Variants in NBEA observed in about 807,000 individuals in gnomAD.
The protein encoded by NBEA is lysosomal-trafficking regulator 2.
Under a neutral mutation model 343.4 loss-of-function variants are expected in NBEA, and 44 were observed. The ratio of observed to expected loss-of-function variants is 0.13; its 90% CI spans 0.10 to 0.16. The LOEUF (loss-of-function observed/expected upper bound fraction) is 0.16, where lower values mean the gene tolerates loss of function less well. Ranked by LOEUF, NBEA falls within the 10% of genes least tolerant of loss-of-function variation. The pLI, the probability that NBEA is intolerant of heterozygous loss-of-function variation, is 1.00. For missense variants in NBEA, 2,555 were observed against 3,631.3 expected (o/e 0.70, Z 7.62); for synonymous variants, 1,175 against 1,238.7 (o/e 0.95, Z 1.08).
chr13:35,248,345 A>G (rs1290606862), intron 34 of NBEA, among the ~76,000 whole-genome samples: 2 of 152,226 alleles, frequency 1.3e-5, no homozygotes, highest in African/African-American at 4.8e-5. Flanking sequence ...GAATGAAGAA[A>G]AGAATTACAT....
chr13:35,472,635 C>T (rs1045052063), intron 41 of NBEA, 99 bp downstream of exon 41: 1 of 1,167,076 alleles, frequency 8.6e-7, no homozygotes, highest in Admixed American at 1.9e-5. Flanking sequence ...GAGGGGAGCA[C>T]ATTCTCCTCT....
intron 38 of NBEA, among the ~76,000 whole-genome samples, chr13:35,364,146 G>A (rs2040970823): frequency 6.6e-6 from 1 of 151,824 alleles, no homozygotes; most frequent in Non-Finnish European, 1.5e-5. Flanking sequence ...TTTCTCTTAT[G>A]GCCAACAAAT....
In NBEA at chr13:35,383,735, G is replaced by A. The variant is rs189681154; in HGVS notation, c.6179+31412G>A. 2.6e-5 allele frequency among the ~76,000 whole-genome samples: 4 copies of A among 152,062 alleles called. No individual in the cohort carries two copies. The East Asian group carries it at 7.7e-4, about 29-fold the overall frequency. ...GAAGGATATAGTATATAATACAGAA[G>A]TTAGGAAAATGAACAATAACTAAAA... On this transcript the variant is annotated intron_variant, in intron 38 of 58. Coordinates refer to ENST00000379939, the MANE Select transcript of NBEA (RefSeq NM_001385012.1).
At chr13:35,379,993 A>G (rs1004443205) in intron 38 of NBEA, among the ~76,000 whole-genome samples, 4 of 152,288 alleles carry the variant, frequency 2.6e-5, no homozygotes, top group African/African-American at 9.6e-5. Context: ...CAGCATGCCA[A>G]TTTCTGCAAA....
rs1246798970 is a variant in NBEA, at chr13:35,159,150, A to G, written c.2979A>G (p.Gly993=). Residue 993 remains glycine (G), a synonymous_variant, in exon 22 of 59, where the codon GGA becomes GGG. Coordinates refer to ENST00000379939, the MANE Select transcript of NBEA (RefSeq NM_001385012.1). ...CTGGTCTTTCATCACAGACAACAGG[A>G]GCAAAAGGTGGAATGGAAATTCGAG... ...TISGLSSQTT[G]AKGGMEIREI... 5.0e-6 allele frequency: 8 copies of G among 1,613,584 alleles called. No homozygotes were observed. The highest frequency in any genetic ancestry group is 6.8e-6 in the Non-Finnish European group (8 of 1,179,614).
At chr13:35,110,332 C>T (rs879515222) in intron 12 of NBEA, among the ~76,000 whole-genome samples, 2 of 151,606 alleles carry the variant, frequency 1.3e-5, no homozygotes, top group African/African-American at 2.4e-5. Context: ...ATTGTGAAAG[C>T]GAACTATATG....
chr13:35,311,317 A>AT (rs1372548838), intron 36 of NBEA, among the ~76,000 whole-genome samples: 35 of 146,100 alleles, frequency 2.4e-4, no homozygotes, highest in South Asian at 1.0e-3. Context: ...TGCGAAGTAA[A>AT]AATATATATA....
At chr13:35,318,332 G>C (rs1234226017) in intron 36 of NBEA, among the ~76,000 whole-genome samples, 1 of 152,084 alleles carries the variant, frequency 6.6e-6, no homozygotes, top group Non-Finnish European at 1.5e-5. Context: ...TTTTATCAAA[G>C]GTCTTTTTGA....
chr13:35,125,056 C>T (rs1278516186), intron 17 of NBEA, among the ~76,000 whole-genome samples: 1 of 152,030 alleles, frequency 6.6e-6, no homozygotes, highest in Non-Finnish European at 1.5e-5. Flanking sequence ...TCAGTTAATA[C>T]AAAATTAAAA....
chr13:35,205,919 A>C (rs536185612), intron 31 of NBEA, among the ~76,000 whole-genome samples: 1 of 152,080 alleles, frequency 6.6e-6, no homozygotes, highest in Non-Finnish European at 1.5e-5. Flanking sequence ...TGGGGAGGAG[A>C]ATGAAGCTTA....
intron 49 of NBEA, among the ~76,000 whole-genome samples, chr13:35,640,127 T>G (rs1481771185): frequency 6.6e-6 from 1 of 152,226 alleles, no homozygotes; most frequent in Non-Finnish European, 1.5e-5. Context: ...CATTTAATTT[T>G]ACCTTAGTAG....
chr13:35,242,825 A>G (rs1441261391), intron 34 of NBEA, among the ~76,000 whole-genome samples: 1 of 151,874 alleles, frequency 6.6e-6, no homozygotes, highest in Non-Finnish European at 1.5e-5. Context: ...TTAAAAATGG[A>G]GGAGAAATTA....
At chr13:35,601,761 C>CAAAA (rs869213180) in intron 47 of NBEA, among the ~76,000 whole-genome samples, 5 of 114,914 alleles carry the variant, frequency 4.4e-5, no homozygotes, top group East Asian at 2.4e-4. Flanking sequence ...GACTCCATCG[C>CAAAA]AAAAAAAAAA....
intron 47 of NBEA, among the ~76,000 whole-genome samples, chr13:35,604,396 C>T (rs1463158378): frequency 6.6e-6 from 1 of 152,090 alleles, no homozygotes; most frequent in Non-Finnish European, 1.5e-5. Context: ...CATTTGGCCC[C>T]TAGTGTGAGC....
chr13:34,954,526 A>G (rs2059436132), intron 1 of NBEA, among the ~76,000 whole-genome samples: 1 of 152,080 alleles, frequency 6.6e-6, no homozygotes, highest in Non-Finnish European at 1.5e-5. Flanking sequence ...TTTAATTTCT[A>G]CATTTTCCTC....
At chr13:35,011,303 A>T (rs1435583971) in intron 1 of NBEA, among the ~76,000 whole-genome samples, 1 of 152,148 alleles carries the variant, frequency 6.6e-6, no homozygotes, top group Non-Finnish European at 1.5e-5. Context: ...AAGGAAATAG[A>T]TCTGGGAAAT....
At chr13:35,604,705 C>G (rs2153050729) in intron 47 of NBEA, among the ~76,000 whole-genome samples, 1 of 152,122 alleles carries the variant, frequency 6.6e-6, no homozygotes, top group East Asian at 1.9e-4. Context: ...CCTCATATAC[C>G]TCCCACCATC....
intron 41 of NBEA, among the ~76,000 whole-genome samples, chr13:35,510,003 G>T (rs1312942034): frequency 6.6e-6 from 1 of 152,180 alleles, no homozygotes. Context: ...GATTTTGAAT[G>T]TCAATAGATC....
At chr13:35,030,373 TC>T (rs1225655616) in intron 1 of NBEA, among the ~76,000 whole-genome samples, 2 of 151,314 alleles carry the variant, frequency 1.3e-5, no homozygotes, top group African/African-American at 4.9e-5. Flanking sequence ...TTTATAAATA[TC>T]CCCTCTCTTT....
Sources: gnomAD v4.1 joint callset for allele counts (sites outside exome capture counted in the v4.1 genomes callset) on GRCh38, gnomAD v4.1.1 for gene constraint, MANE v1.5 for transcripts, NCBI Gene and HGNC (gene_info 2026-07-23, HGNC 2026-07-21) for gene names.